The following TARM1 variants were observed in gnomAD, a reference collection of about 807,000 sequenced individuals.
TARM1 encodes T cell-interacting, activating receptor on myeloid cells 1.
In TARM1, 24 loss-of-function variants were observed where a neutral mutation model predicts 30.4. The observed-to-expected ratio is 0.79, with a 90% CI of 0.57 to 1.11. The LOEUF is 1.11. Among genes scored for constraint, TARM1 ranks in the 50% least tolerant of loss-of-function variants. The pLI, the probability that TARM1 is intolerant of heterozygous loss-of-function variation, is 0.00. For synonymous variants in TARM1, 129 were observed against 138.9 expected (o/e 0.93, Z 0.50); for missense variants, 323 against 332.8 (o/e 0.97, Z 0.23).
chr19:54,080,097 AAGG>A (rs2072065677), intron 1 of TARM1, among the ~76,000 whole-genome samples: 3,775 of 32,410 alleles, frequency 0.12, 410 homozygotes, highest in South Asian at 0.21. Context: ...GAAAGAAAGG[AAGG>A]AAGGAAGGAA....
chr19:54,074,979 G>A lies in TARM1; in HGVS notation c.206C>T (p.Ser69Phe). 1.3e-6 allele frequency: 2 copies of A among 1,551,510 alleles called. No individual in the cohort carries two copies. The highest frequency in any genetic ancestry group is 2.4e-5 in the South Asian group (2 of 84,048). Reference sequence around the variant, plus strand: ...CTCTGTAGAATCAAGGGGCTTCGGGGACTCCAGAATAATTCCTCCCTTCCT... The same window carrying A: ...CTCTGTAGAATCAAGGGGCTTCGGGAACTCCAGAATAATTCCTCCCTTCCT... Reference protein sequence around the residue: ...VLRKGGIILESPKPLDSTEGA... With the variant: ...VLRKGGIILEFPKPLDSTEGA... Residue 69 changes from serine (S) to phenylalanine (F), a missense_variant, in exon 3 of 5, where the codon TCC becomes TTC. Ser to Phe is a radical substitution (Grantham distance 155). Transcript: ENST00000432826.
chr19:54,073,431 A>AG lies in TARM1; in HGVS notation c.658+488dup, dbSNP rs71195716. ...TCAAAAAAAAAAAAAAAAAAAAAAAAGGCAAAGGAGTGGAAATTGTGAAAG... is the reference window on the plus strand; with the variant it reads ...TCAAAAAAAAAAAAAAAAAAAAAAAAGGGCAAAGGAGTGGAAATTGTGAAAG... On this transcript the variant is annotated intron_variant, in intron 4 of 4. Coordinates refer to ENST00000432826, the MANE Select transcript of TARM1 (RefSeq NM_001135686.3). Among the ~76,000 whole-genome samples, 26 of 137,692 alleles carry AG rather than the reference A, an allele frequency of 1.9e-4. 1 individual carries two copies. Among genetic ancestry groups the AG allele is most frequent in the Non-Finnish European group, 1.6e-5 (1 of 63,350 alleles). The allele number at this position is 137,692 out of a possible 152,430, so 90.3% of individuals were successfully genotyped here. A position where few individuals can be genotyped will look rare whatever the true frequency, so the allele number is the denominator to read the frequency against.
rs781356964 is a variant in TARM1 at position 54,074,782 on chromosome 19, C to A, written c.361+42G>T. The A allele has an allele frequency of 6.5e-6, 10 of 1,534,388 alleles. No individual in the cohort carries two copies. In the East Asian group the frequency reaches 1.2e-4, roughly 19 times the overall value. ...TCTGTTCCTCCACTTCCTCCCTCAT[C>A]CCCTGTCCCCCGTATGTCATTGGCA... On this transcript the variant is annotated intron_variant, in intron 3 of 4. Transcript: ENST00000432826.
Position 54,074,895 on chromosome 19 carries a change from C to G in TARM1, c.290G>C (p.Cys97Ser), listed in dbSNP as rs955956249. The change falls in exon 3 of 5, where the codon TGT becomes TCT. Residue 97 changes from cysteine to serine, a missense_variant. Physicochemically the swap from Cys to Ser is moderately radical, Grantham distance 112 (BLOSUM62 -1). Transcript: ENST00000432826. ...LKVRNAGEYT[C>S]EYYRKASPHI... ...GGGGGATGCTTTTCTGTAGTATTCA[C>G]AGGTGTACTCTCCAGCATTTCTGAC... 2 of 1,551,620 alleles carry G rather than the reference C, an allele frequency of 1.3e-6. No individual in the cohort carries two copies. Among genetic ancestry groups the G allele is most frequent in the Non-Finnish European group, 1.7e-6 (2 of 1,146,970 alleles).
chr19:54,073,492 GT>G (rs1407940601), intron 4 of TARM1, among the ~76,000 whole-genome samples: 1 of 146,864 alleles, frequency 6.8e-6, no homozygotes. Context: ...TTTTGTTTTT[GT>G]TTTTTGTTTT....
chr19:54,075,105 G>A lies in TARM1; in HGVS notation c.80C>T (p.Pro27Leu), dbSNP rs61733953. The change falls in exon 3 of 5, where the codon CCC (proline) becomes CTC (leucine). Residue 27 changes from proline (P) to leucine (L), a missense_variant. Transcript: ENST00000432826. ...GGGCCAGGCACTGAGGGACGGCTTG[G>A]GCAGTGACCCTGGAAGGAAGCAGAG... The part of the protein sequence containing the change: ...QGDTRGDGSL[P>L]KPSLSAWPSS... 4.9e-4 allele frequency: 755 copies of A among 1,551,044 alleles called. 2 individuals carry two copies. In the African/African-American group the frequency reaches 9.3e-3, roughly 19 times the overall value.
chr19:54,080,140 A>AAAGC (rs375418750), intron 1 of TARM1, among the ~76,000 whole-genome samples: 1,495 of 80,260 alleles, frequency 0.019, 269 homozygotes, highest in Non-Finnish European at 0.031. Flanking sequence ...AGGAAGGAAG[A>AAAGC]AAGCAAGCAA....
rs2072078653 is a variant in TARM1 at position 54,080,145 on chromosome 19, AAGCAAGCAAGCAAGC to A, written c.34+1147_34+1161del. ...GAAGGAAGGAAGGAAGGAAGAAAGC[AAGCAAGCAAGCAAGC>A]AAGCAAGCAAGCAAGCAAGCAAGCA... On this transcript the variant is annotated intron_variant, in intron 1 of 4. Coordinates refer to ENST00000432826, the MANE Select transcript of TARM1 (RefSeq NM_001135686.3). Among the ~76,000 whole-genome samples the A allele has an allele frequency of 3.4e-3, 305 of 89,506 alleles. 72 individuals are homozygous for A. Among genetic ancestry groups the A allele is most frequent in the African/African-American group, 7.7e-3 (203 of 26,522 alleles). 58.7% of individuals were successfully genotyped at this position (89,506 alleles called of 152,430 possible).
At chr19:54,070,614 A>C (rs1195507235) in intron 4 of TARM1, among the ~76,000 whole-genome samples, 2 of 146,224 alleles carry the variant, frequency 1.4e-5, no homozygotes, top group South Asian at 2.2e-4. Context: ...TTTTAATTGA[A>C]CTTTTTTTTT....
Position 54,074,888 on chromosome 19 carries a change from G to A in TARM1, c.297C>T (p.Tyr99=). ...GGATGTGGGGGGATGCTTTTCTGTA[G>A]TATTCACAGGTGTACTCTCCAGCAT... ...VRNAGEYTCE[Y]YRKASPHILS... Residue 99 remains tyrosine (Y), a synonymous_variant, in exon 3 of 5, where the codon TAC becomes TAT. Coordinates refer to ENST00000432826, the MANE Select transcript of TARM1 (RefSeq NM_001135686.3). 6.4e-7 allele frequency: 1 copy of A among 1,551,590 alleles called. No individual in the cohort carries two copies.
chr19:54,076,238 T>TC, intron 1 of TARM1: 1 of 1,507,382 alleles, frequency 6.6e-7, no homozygotes, highest in Non-Finnish European at 8.8e-7. Context: ...TTTCTTTCTT[T>TC]TTCTTTCCTT....
At chr19:54,080,146 AGC>A (rs1568512231) in intron 1 of TARM1, among the ~76,000 whole-genome samples, 1 of 94,496 alleles carries the variant, frequency 1.1e-5, no homozygotes, top group Non-Finnish European at 2.2e-5. Context: ...GAAGAAAGCA[AGC>A]AAGCAAGCAA....
Position 54,080,124 on chromosome 19 carries a change from G to GAAAGAAAGAAAGAAAGA in TARM1, c.34+1182_34+1183insTCTTTCTTTCTTTCTTT, listed in dbSNP as rs2072071050. On this transcript the variant is annotated intron_variant, in intron 1 of 4. Transcript: ENST00000432826. ...GGAAGGAAGGAAGGAAGGAAGGAAG[G>GAAAGAAAGAAAGAAAGA]AAGGAAGGAAGGAAGAAAGCAAGCA... is the stretch of plus-strand genomic sequence containing the variant. Among the ~76,000 whole-genome samples, 20 of 31,418 alleles carry GAAAGAAAGAAAGAAAGA rather than the reference G, an allele frequency of 6.4e-4. 5 individuals carry two copies. Among genetic ancestry groups the GAAAGAAAGAAAGAAAGA allele is most frequent in the Non-Finnish European group, 6.6e-4 (10 of 15,126 alleles). The allele number at this position is 31,418 out of a possible 152,430, so 20.6% of individuals were successfully genotyped here.
At chr19:54,080,751 T>C (rs2072110249) in intron 1 of TARM1, among the ~76,000 whole-genome samples, 1 of 152,002 alleles carries the variant, frequency 6.6e-6, no homozygotes, top group African/African-American at 2.4e-5. Context: ...GGTGGGCAGA[T>C]CACCTGAGGT....
intron 4 of TARM1, among the ~76,000 whole-genome samples, chr19:54,072,408 C>T (rs2146207067): frequency 6.6e-6 from 1 of 152,270 alleles, no homozygotes; most frequent in South Asian, 2.1e-4. Flanking sequence ...AAACAAGATA[C>T]TTTCAGAAGA....
intron 1 of TARM1, among the ~76,000 whole-genome samples, chr19:54,080,020 G>GGAAGGAAGGAAGGAAGGAAA (rs2072056897): frequency 4.1e-4 from 2 of 4,870 alleles, no homozygotes; most frequent in African/African-American, 2.7e-3. Context: ...GGAAAAGGAG[G>GGAAGGAAGGAAGGAAGGAAA]GAAGGAAGGA....
At chr19:54,076,942 T>G (rs2071969998) in intron 1 of TARM1, among the ~76,000 whole-genome samples, 1 of 152,154 alleles carries the variant, frequency 6.6e-6, no homozygotes, top group Non-Finnish European at 1.5e-5. Flanking sequence ...AAATTTATTG[T>G]TTGGTGTCCT....
chr19:54,072,168 A>G (rs11673237), intron 4 of TARM1, among the ~76,000 whole-genome samples: 107,258 of 151,962 alleles, frequency 0.71, 38,079 homozygotes, highest in East Asian at 0.88. Flanking sequence ...CAGCCTGGGC[A>G]ACAGAGCAAG....
chr19:54,080,058 G>GGA, intron 1 of TARM1, among the ~76,000 whole-genome samples: 3 of 55,458 alleles, frequency 5.4e-5, no homozygotes, highest in African/African-American at 1.5e-4. Flanking sequence ...GGGAAAGAGA[G>GGA]AGAGGAAGGA....
Sources: gnomAD v4.1 joint callset for allele counts (sites outside exome capture counted in the v4.1 genomes callset) on GRCh38, gnomAD v4.1.1 for gene constraint, MANE v1.5 for transcripts, NCBI Gene and HGNC (gene_info 2026-07-23, HGNC 2026-07-21) for gene names.